RAPGEF5: variants seen among roughly 807,000 people sequenced by gnomAD.
RAPGEF5 encodes M-Ras-regulated GEF.
A neutral mutation model predicts 125.2 loss-of-function variants in RAPGEF5; 65 were observed. That is an observed-to-expected ratio of 0.52 (90% CI 0.43 to 0.64). The LOEUF (loss-of-function observed/expected upper bound fraction) is 0.64, where lower values mean the gene tolerates loss of function less well. Ranked by LOEUF, RAPGEF5 falls within the 30% of genes least tolerant of loss-of-function variation. The pLI is 0.00. For synonymous variants in RAPGEF5, 391 were observed against 385.9 expected (o/e 1.01, Z -0.16); for missense variants, 958 against 1,048.1 (o/e 0.91, Z 1.19).
intron 1 of RAPGEF5, among the ~76,000 whole-genome samples, chr7:22,349,277 A>T (rs1222321849): frequency 2.6e-5 from 4 of 151,878 alleles, no homozygotes; most frequent in Non-Finnish European, 5.9e-5. Context: ...TACAAAAATT[A>T]GCCAGGCATG....
intron 12 of RAPGEF5, among the ~76,000 whole-genome samples, chr7:22,163,343 G>A (rs2128112909): frequency 6.6e-6 from 1 of 152,310 alleles, no homozygotes; most frequent in Non-Finnish European, 1.5e-5. Context: ...GGACTATTCA[G>A]CAGCCAGAAA....
intron 17 of RAPGEF5, among the ~76,000 whole-genome samples, chr7:22,151,252 G>A (rs769826597): frequency 9.2e-5 from 14 of 152,164 alleles, no homozygotes; most frequent in Non-Finnish European, 2.1e-4. Flanking sequence ...ATATCCTTAT[G>A]TTTAAATCTT....
At chr7:22,127,877 C>G (rs1782798305) in intron 24 of RAPGEF5, among the ~76,000 whole-genome samples, 1 of 152,212 alleles carries the variant, frequency 6.6e-6, no homozygotes, top group Non-Finnish European at 1.5e-5. Context: ...AACCGTATTT[C>G]TAATGCACTT....
chr7:22,153,951 AAGG>A (rs1783714795), intron 17 of RAPGEF5, among the ~76,000 whole-genome samples: 4 of 152,198 alleles, frequency 2.6e-5, no homozygotes, highest in South Asian at 4.1e-4. Flanking sequence ...GGCCCAACAG[AAGG>A]AGAAGTTGTA....
At chr7:22,272,991 C>A (rs1043033391) in intron 6 of RAPGEF5, among the ~76,000 whole-genome samples, 7 of 151,956 alleles carry the variant, frequency 4.6e-5, no homozygotes, top group African/African-American at 1.4e-4. Flanking sequence ...AACCCCTGAC[C>A]TCAAGTGATC....
intron 11 of RAPGEF5, among the ~76,000 whole-genome samples, chr7:22,182,346 G>A (rs1434550866): frequency 6.6e-6 from 1 of 152,152 alleles, no homozygotes; most frequent in Non-Finnish European, 1.5e-5. Flanking sequence ...AGTAATTTCA[G>A]CTGCCGATGT....
chr7:22,148,207 T>A (rs1299619009), intron 18 of RAPGEF5, among the ~76,000 whole-genome samples: 1 of 152,214 alleles, frequency 6.6e-6, no homozygotes, highest in Non-Finnish European at 1.5e-5. Flanking sequence ...GCTCTACTGC[T>A]GACTTTCTAA....
intron 7 of RAPGEF5, among the ~76,000 whole-genome samples, chr7:22,257,797 G>C (rs977884113): frequency 6.6e-6 from 1 of 152,118 alleles, no homozygotes; most frequent in Non-Finnish European, 1.5e-5. Context: ...GGGGTTGTAA[G>C]AAAGAAATGT....
intron 7 of RAPGEF5, among the ~76,000 whole-genome samples, chr7:22,264,456 C>T (rs1782234767): frequency 6.6e-6 from 1 of 152,206 alleles, no homozygotes; most frequent in South Asian, 2.1e-4. Context: ...AAATTGACTT[C>T]ATACCAGTCT....
intron 21 of RAPGEF5, 45 bp downstream of exon 21, chr7:22,139,980 T>C (rs1783205335): frequency 6.8e-7 from 1 of 1,462,052 alleles, no homozygotes; most frequent in Non-Finnish European, 9.4e-7. Context: ...TAAATTACTT[T>C]ATTTCCATTT....
chr7:22,246,038 C>T (rs2128137152), intron 7 of RAPGEF5, among the ~76,000 whole-genome samples: 1 of 152,172 alleles, frequency 6.6e-6, no homozygotes. Context: ...TGAAAGGTAT[C>T]TACAAGGACA....
At chr7:22,326,322 T>A (rs1218648152) in intron 1 of RAPGEF5, among the ~76,000 whole-genome samples, 1 of 152,176 alleles carries the variant, frequency 6.6e-6, no homozygotes, top group Non-Finnish European at 1.5e-5. Context: ...GGGATGGAGA[T>A]TAGGAGTCCA....
rs1358222164 is a variant in RAPGEF5 at position 22,119,457 on chromosome 7, C to A, written c.*2949G>T. 6.6e-6 allele frequency: 1 copy of A among 152,126 alleles called. No homozygotes were observed. The highest frequency in any genetic ancestry group is 1.9e-4 in the East Asian group (1 of 5,196). The allele number at this position is 152,126 out of a possible 1,614,324, so 9.4% of individuals were successfully genotyped here. ...TGGCAATTATACAGATGACAAAGAG[C>A]AAATTCAAAACACCACACTCTAGGG... is the stretch of plus-strand genomic sequence containing the variant. On this transcript the variant is annotated 3_prime_UTR_variant, in exon 26 of 26. Transcript: ENST00000665637. The surrounding 1 kb of genome is among the most constrained non-coding windows in gnomAD (Gnocchi z 4.1).
chr7:22,302,797 T>C (rs10950896), intron 5 of RAPGEF5, among the ~76,000 whole-genome samples: 16,935 of 136,328 alleles, frequency 0.12, 1,398 homozygotes, highest in East Asian at 0.42. Flanking sequence ...TTTTTTTTGG[T>C]CATTCTGCAG....
intron 9 of RAPGEF5, among the ~76,000 whole-genome samples, chr7:22,197,484 A>T (rs1382458869): frequency 6.6e-6 from 1 of 152,200 alleles, no homozygotes; most frequent in East Asian, 1.9e-4. Context: ...TTTGTAGCCA[A>T]TGGCTTGTTA....
At chr7:22,356,104 C>T (rs752166039) in intron 1 of RAPGEF5, 2 of 985,290 alleles carry the variant, frequency 2.0e-6, no homozygotes, top group African/African-American at 1.7e-5. Context: ...GACCTTCCTG[C>T]TTCTCTTAAA....
intron 7 of RAPGEF5, among the ~76,000 whole-genome samples, chr7:22,261,888 C>A (rs912613615): frequency 1.6e-4 from 25 of 151,708 alleles, no homozygotes; most frequent in African/African-American, 6.1e-4. Context: ...AAGTCTCATA[C>A]CTTATATCAA....
intron 7 of RAPGEF5, among the ~76,000 whole-genome samples, chr7:22,234,916 T>C (rs1786151197): frequency 1.3e-5 from 2 of 152,226 alleles, no homozygotes; most frequent in South Asian, 2.1e-4. Flanking sequence ...ATGTCCTTTC[T>C]AAATGATGTT....
chr7:22,283,703 A>T (rs1376089257), intron 6 of RAPGEF5, among the ~76,000 whole-genome samples: 2 of 152,226 alleles, frequency 1.3e-5, no homozygotes, highest in Non-Finnish European at 1.5e-5. Flanking sequence ...GTCAATAAAA[A>T]GTCTATATTT....
Sources: allele counts gnomAD v4.1 joint callset (sites outside exome capture counted in the v4.1 genomes callset), GRCh38; gene constraint gnomAD v4.1.1; non-coding constraint Gnocchi (gnomAD v3.1); transcripts MANE v1.5; gene names NCBI Gene and HGNC (gene_info 2026-07-23, HGNC 2026-07-21).